Variants in ME1 observed in about 807,000 individuals in gnomAD.
The protein encoded by ME1 is NADP-dependent malic enzyme.
In ME1, 74 loss-of-function variants were observed where a neutral mutation model predicts 66.4. The ratio of observed to expected loss-of-function variants is 1.11; its 90% CI spans 0.92 to 1.35. The LOEUF (loss-of-function observed/expected upper bound fraction) is 1.35, where lower values mean the gene tolerates loss of function less well. ME1 is among the 40% of genes most tolerant of loss of function. The pLI is 0.00. For synonymous variants in ME1, 251 were observed against 235.6 expected (o/e 1.07, Z -0.60); for missense variants, 750 against 694.1 (o/e 1.08, Z -0.90).
chr6:83,219,269 T>A (rs1361974168), intron 12 of ME1, among the ~76,000 whole-genome samples: 1 of 152,190 alleles, frequency 6.6e-6, no homozygotes. Flanking sequence ...GCAAAAACTT[T>A]TCTGGGTGTC....
At chr6:83,219,437 A>G (rs1790046589) in intron 12 of ME1, among the ~76,000 whole-genome samples, 1 of 152,206 alleles carries the variant, frequency 6.6e-6, no homozygotes, top group African/African-American at 2.4e-5. Context: ...GGGCAAATTA[A>G]TTAACCTTTT....
intron 1 of ME1, among the ~76,000 whole-genome samples, chr6:83,421,848 C>G (rs1354549313): frequency 6.6e-6 from 1 of 152,170 alleles, no homozygotes; most frequent in East Asian, 1.9e-4. Context: ...GCCTAAAATT[C>G]TAAGGTAAGG....
intron 6 of ME1, among the ~76,000 whole-genome samples, chr6:83,281,945 A>G (rs1767303846): frequency 6.6e-6 from 1 of 150,942 alleles, no homozygotes; most frequent in South Asian, 2.1e-4. Flanking sequence ...CAGGAAATGC[A>G]GGAAGAGATA....
intron 9 of ME1, among the ~76,000 whole-genome samples, chr6:83,230,010 A>G (rs1409662520): frequency 6.7e-6 from 1 of 148,978 alleles, no homozygotes; most frequent in African/African-American, 2.6e-5. Context: ...TTTTTTAGAG[A>G]TGGGGGTCTC....
chr6:83,265,657 G>C (rs574120304), intron 6 of ME1, among the ~76,000 whole-genome samples: 10 of 152,194 alleles, frequency 6.6e-5, no homozygotes, highest in African/African-American at 2.2e-4. Context: ...CTTTATTGTA[G>C]TATTTGTTTT....
chr6:83,324,158 T>C (rs199600784), intron 5 of ME1, among the ~76,000 whole-genome samples: 1 of 151,990 alleles, frequency 6.6e-6, no homozygotes, highest in Non-Finnish European at 1.5e-5. Flanking sequence ...AGACACAATG[T>C]GCCAGAATCT....
At chr6:83,213,445 CAA>C (rs1213961775) in intron 13 of ME1, among the ~76,000 whole-genome samples, 1 of 150,730 alleles carries the variant, frequency 6.6e-6, no homozygotes, top group Non-Finnish European at 1.5e-5. Flanking sequence ...CAAAACAAAA[CAA>C]AAAACAACAA....
chr6:83,290,574 G>C (rs1170458), intron 6 of ME1, among the ~76,000 whole-genome samples: 1 of 151,906 alleles, frequency 6.6e-6, no homozygotes, highest in Non-Finnish European at 1.5e-5. Flanking sequence ...ATAAGTGTAT[G>C]GTGGTGCTGA....
intron 9 of ME1, among the ~76,000 whole-genome samples, chr6:83,235,470 A>ATTTT (rs10691116): frequency 0.015 from 1,941 of 128,198 alleles, 73 homozygotes; most frequent in Non-Finnish European, 0.023. Flanking sequence ...AGCAATAGCT[A>ATTTT]TTTTTTTTTT....
At chr6:83,238,675 A>T (rs568955595) in intron 8 of ME1, among the ~76,000 whole-genome samples, 1 of 152,070 alleles carries the variant, frequency 6.6e-6, no homozygotes, top group East Asian at 1.9e-4. Context: ...CTAACTTCAC[A>T]TATTTTGTTT....
In ME1 at chr6:83,243,393, TATATA is replaced by T. The variant is rs1255746801; in HGVS notation, c.815-3762_815-3758del. On this transcript the variant is annotated intron_variant, in intron 7 of 13. Transcript: ENST00000369705. ...ATATAATAGATTATATTTATATATT[TATATA>T]ATATATTATATAATTAGATTATATT... Among the ~76,000 whole-genome samples the T allele has an allele frequency of 5.4e-3, 328 of 60,898 alleles. 2 individuals carry two copies. The highest frequency in any genetic ancestry group is 0.031 in the African/African-American group (309 of 9,936). 40.0% of individuals were successfully genotyped at this position (60,898 alleles called of 152,430 possible). A position where few individuals can be genotyped will look rare whatever the true frequency, so the allele number is the denominator to read the frequency against.
chr6:83,277,904 T>TAAC (rs1382399742), intron 6 of ME1, among the ~76,000 whole-genome samples: 3 of 148,228 alleles, frequency 2.0e-5, no homozygotes, highest in Non-Finnish European at 4.5e-5. Context: ...TATCTCAAAA[T>TAAC]AATAATAATA....
intron 5 of ME1, among the ~76,000 whole-genome samples, chr6:83,340,614 C>T (rs1768561249): frequency 6.6e-6 from 1 of 151,544 alleles, no homozygotes; most frequent in South Asian, 2.1e-4. Context: ...AGAAACACCA[C>T]TAGTAAGTGG....
rs534516040 is a variant in ME1, at chr6:83,298,797, T to G, written c.704+16513A>C. Among the ~76,000 whole-genome samples, 5 of 152,148 alleles carry G rather than the reference T, an allele frequency of 3.3e-5. No individual in the cohort carries two copies. In the South Asian group the frequency reaches 1.0e-3, roughly 32 times the overall value. ...TTTTCTGCATATGGCTAGCCAGTTT[T>G]CCCAGAACTATTTATTAAATAGGGA... On this transcript the variant is annotated intron_variant, in intron 6 of 13. Coordinates refer to ENST00000369705, the MANE Select transcript of ME1 (RefSeq NM_002395.6).
At chr6:83,246,333 T>A (rs771391218) in intron 7 of ME1, among the ~76,000 whole-genome samples, 31 of 152,106 alleles carry the variant, frequency 2.0e-4, no homozygotes, top group Non-Finnish European at 3.7e-4. Flanking sequence ...ACAGTTAAAA[T>A]CCAGATAAAG....
chr6:83,408,607 T>C (rs1028273136), intron 1 of ME1, among the ~76,000 whole-genome samples: 1 of 152,144 alleles, frequency 6.6e-6, no homozygotes, highest in South Asian at 2.1e-4. Flanking sequence ...ATAAAACAAA[T>C]GATAATAACA....
intron 3 of ME1, among the ~76,000 whole-genome samples, chr6:83,382,187 C>T (rs187175733): frequency 5.4e-4 from 82 of 152,196 alleles, no homozygotes; most frequent in Non-Finnish European, 8.4e-4. Context: ...CTTCATAACA[C>T]AAACAGTACT....
chr6:83,414,468 G>A (rs1337865937), intron 1 of ME1, among the ~76,000 whole-genome samples: 1 of 151,920 alleles, frequency 6.6e-6, no homozygotes, highest in African/African-American at 2.4e-5. Context: ...AATATATTCA[G>A]CTAAGTCTTG....
intron 5 of ME1, among the ~76,000 whole-genome samples, chr6:83,332,088 A>C (rs1768423618): frequency 6.6e-6 from 1 of 152,208 alleles, no homozygotes; most frequent in Non-Finnish European, 1.5e-5. Context: ...CAACTGCTTC[A>C]CAATTAAAGA....
Sources: gnomAD v4.1 joint callset for allele counts (sites outside exome capture counted in the v4.1 genomes callset) on GRCh38, gnomAD v4.1.1 for gene constraint, MANE v1.5 for transcripts, NCBI Gene and HGNC (gene_info 2026-07-23, HGNC 2026-07-21) for gene names.